PCDHGB3: variants seen among roughly 807,000 people sequenced by gnomAD.
PCDHGB3 encodes the protein protocadherin gamma-B3.
PCDHGB3 carries 40 observed loss-of-function variants against 59.2 expected under a neutral mutation model. The ratio of observed to expected loss-of-function variants is 0.68; its 90% CI spans 0.52 to 0.88. The LOEUF (loss-of-function observed/expected upper bound fraction) is 0.88, where lower values mean the gene tolerates loss of function less well. Among genes scored for constraint, PCDHGB3 ranks in the 40% least tolerant of loss-of-function variants. PCDHGB3 has a pLI of 0.00. For missense variants in PCDHGB3, 1,309 were observed against 1,187.9 expected (o/e 1.10, Z -1.50); for synonymous variants, 581 against 503.6 (o/e 1.15, Z -2.06).
chr5:141,490,837 G>A lies in PCDHGB3; in HGVS notation c.2416-3970G>A. On this transcript the variant is annotated intron_variant, in intron 1 of 3. Coordinates refer to ENST00000576222, the MANE Select transcript of PCDHGB3 (RefSeq NM_018924.5). This position sits in a 1 kb window ranked among gnomAD's most constrained non-coding sequence, Gnocchi z 5.4. ...TGAATTGCTGCAGATGCTGCAGATTGTGGTGGGGGTTCGAGACTCCGGCTC... is the reference window on the plus strand; with the variant it reads ...TGAATTGCTGCAGATGCTGCAGATTATGGTGGGGGTTCGAGACTCCGGCTC... The A allele has an allele frequency of 1.9e-6, 3 of 1,613,914 alleles. No homozygotes were observed. The highest frequency in any genetic ancestry group is 2.2e-5 in the South Asian group (2 of 91,072).
intron 1 of PCDHGB3, chr5:141,393,423 G>A: frequency 1.2e-6 from 2 of 1,614,040 alleles, no homozygotes; most frequent in South Asian, 2.2e-5. Flanking sequence ...GGACAGGGAG[G>A]AAGAGGCTGC....
rs746311453 is a variant in PCDHGB3 at position 141,428,229 on chromosome 5, C to T, written c.2415+55420C>T. On this transcript the variant is annotated intron_variant, in intron 1 of 3. Coordinates refer to ENST00000576222, the MANE Select transcript of PCDHGB3 (RefSeq NM_018924.5). ...CGCTTCACCTAGTCTTCGCAGACAGCCTGCAGGAGGCACTGCCAGACTTCA... is the reference window on the plus strand; with the variant it reads ...CGCTTCACCTAGTCTTCGCAGACAGTCTGCAGGAGGCACTGCCAGACTTCA... 3 of 1,098,554 alleles carry T rather than the reference C, an allele frequency of 2.7e-6. No homozygotes were observed. In the South Asian group the frequency reaches 3.9e-5, roughly 14 times the overall value. The allele number at this position is 1,098,554 out of a possible 1,614,324, so 68.1% of individuals were successfully genotyped here.
At position 141,413,561 on chromosome 5, in the gene PCDHGB3, AT is replaced by A. The variant is rs1363955348; in HGVS notation, c.2415+40753del. The stretch of plus-strand genomic sequence containing the variant: ...TTTGGGATAGAAATAGAAGTAACTG[AT>A]ATCAATGACAATGCTCCAAAATTCC... On this transcript the variant is annotated intron_variant, in intron 1 of 3. Coordinates refer to ENST00000576222, the MANE Select transcript of PCDHGB3 (RefSeq NM_018924.5). The A allele has an allele frequency of 6.2e-6, 10 of 1,613,806 alleles. No individual in the cohort carries two copies. In the Admixed American group the frequency reaches 1.3e-4, roughly 22 times the overall value.
chr5:141,474,566 G>A (rs2154572064), intron 1 of PCDHGB3, among the ~76,000 whole-genome samples: 1 of 152,336 alleles, frequency 6.6e-6, no homozygotes, highest in Non-Finnish European at 1.5e-5. Flanking sequence ...GGTTTTCAGA[G>A]ATTAATTGAA....
At chr5:141,422,198 A>G (rs2096632774) in intron 1 of PCDHGB3, 1 of 1,562,340 alleles carries the variant, frequency 6.4e-7, no homozygotes, top group Non-Finnish European at 8.6e-7. Flanking sequence ...CAAGGCCAAG[A>G]TGGTGGAGGT....
At chr5:141,421,748 G>A (rs763166274) in intron 1 of PCDHGB3, 4 of 1,613,944 alleles carry the variant, frequency 2.5e-6, no homozygotes, top group South Asian at 2.2e-5. Context: ...TACCAGCTCA[G>A]CCCTAATAAT....
chr5:141,393,087 C>T (rs1244090890), intron 1 of PCDHGB3: 1 of 1,613,628 alleles, frequency 6.2e-7, no homozygotes, highest in African/African-American at 1.3e-5. Flanking sequence ...CAGGATAGAT[C>T]GGGAGGAGCT....
intron 1 of PCDHGB3, chr5:141,395,102 G>C: frequency 6.2e-7 from 1 of 1,614,172 alleles, no homozygotes; most frequent in Non-Finnish European, 8.5e-7. Flanking sequence ...CCGCCGACTC[G>C]CGGAAGAGTC....
chr5:141,477,002 G>A lies in PCDHGB3; in HGVS notation c.2416-17805G>A, dbSNP rs770390597. On this transcript the variant is annotated intron_variant, in intron 1 of 3. Coordinates refer to ENST00000576222, the MANE Select transcript of PCDHGB3 (RefSeq NM_018924.5). The surrounding 1 kb of genome is among the most constrained non-coding windows in gnomAD (Gnocchi z 4.9). ...CCGCGCCGGCGTGCGGCAACTATTC[G>A]CCTTAGACCTTGTAACCGGGATGCT... 6.2e-7 allele frequency: 1 copy of A among 1,614,102 alleles called. No homozygotes were observed. The highest frequency in any genetic ancestry group is 1.3e-5 in the African/African-American group (1 of 74,952).
At chr5:141,400,456 T>C (rs1439726103) in intron 1 of PCDHGB3, 2 of 1,614,090 alleles carry the variant, frequency 1.2e-6, no homozygotes, top group Non-Finnish European at 1.7e-6. Flanking sequence ...AGACATACTT[T>C]GTGGTGATTC....
chr5:141,430,837 C>T (rs1350348914), intron 1 of PCDHGB3: 4 of 1,559,956 alleles, frequency 2.6e-6, no homozygotes, highest in South Asian at 2.5e-5. Context: ...TGTGGGAGAC[C>T]GGATGCACCC....
At chr5:141,409,096 A>T (rs968537361) in intron 1 of PCDHGB3, 8 of 1,613,956 alleles carry the variant, frequency 5.0e-6, no homozygotes, top group African/African-American at 1.3e-5. Flanking sequence ...ATGAGAAAAC[A>T]GGTATGATTA....
At chr5:141,415,473 C>T in intron 1 of PCDHGB3, 2 of 1,614,224 alleles carry the variant, frequency 1.2e-6, no homozygotes, top group Non-Finnish European at 1.7e-6. Flanking sequence ...TCACCGCGGA[C>T]TCGCGAAAGA....
Position 141,430,964 on chromosome 5 carries a change from A to G in PCDHGB3, c.2415+58155A>G, listed in dbSNP as rs547574367. The G allele has an allele frequency of 7.3e-5, 117 of 1,612,860 alleles. No homozygotes were observed. The South Asian group carries it at 1.2e-3, about 17-fold the overall frequency. On this transcript the variant is annotated intron_variant, in intron 1 of 3. Coordinates refer to ENST00000576222, the MANE Select transcript of PCDHGB3 (RefSeq NM_018924.5). The stretch of plus-strand genomic sequence containing the variant: ...GGAGCGCGGAGTCCGCATCATCCCC[A>G]GAGGTAGGACGCAGCTTTTCGCCCT...
chr5:141,511,537 A>G lies in PCDHGB3; in HGVS notation c.*364A>G. 2 of 319,256 alleles carry G rather than the reference A, an allele frequency of 6.3e-6. No individual in the cohort carries two copies. Among genetic ancestry groups the G allele is most frequent in the South Asian group, 3.3e-5 (1 of 29,854 alleles). 19.8% of individuals were successfully genotyped at this position (319,256 alleles called of 1,614,324 possible). A position where few individuals can be genotyped will look rare whatever the true frequency, so the allele number is the denominator to read the frequency against. On this transcript the variant is annotated 3_prime_UTR_variant, in exon 4 of 4. Coordinates refer to ENST00000576222, the MANE Select transcript of PCDHGB3 (RefSeq NM_018924.5). ...TCCATCCCATGCCTCCCTCCTCCCC[A>G]CCCCACTCCAACAGTTCCTCTTTCC... is the stretch of plus-strand genomic sequence containing the variant.
At chr5:141,434,364 A>G (rs1023051594) in intron 1 of PCDHGB3, among the ~76,000 whole-genome samples, 1 of 152,208 alleles carries the variant, frequency 6.6e-6, no homozygotes, top group Non-Finnish European at 1.5e-5. Context: ...AAATCTGGCC[A>G]TAAACTGGCC....
At chr5:141,430,883 G>T in intron 1 of PCDHGB3, 1 of 1,601,036 alleles carries the variant, frequency 6.2e-7, no homozygotes, top group Non-Finnish European at 8.5e-7. Context: ...GCTGGAGAAA[G>T]GCTCTAGGGT....
intron 1 of PCDHGB3, among the ~76,000 whole-genome samples, chr5:141,455,594 G>A (rs1263100982): frequency 6.6e-6 from 1 of 152,112 alleles, no homozygotes; most frequent in Non-Finnish European, 1.5e-5. Context: ...ATATGCAAAC[G>A]TAGGGCGCCA....
At chr5:141,389,539 AC>A (rs750868475) in intron 1 of PCDHGB3, 1 of 1,613,100 alleles carries the variant, frequency 6.2e-7, no homozygotes, top group African/African-American at 1.3e-5. Context: ...TTAGTGGACG[AC>A]CGCAACGACA....
Sources: allele counts gnomAD v4.1 joint callset (sites outside exome capture counted in the v4.1 genomes callset), GRCh38; gene constraint gnomAD v4.1.1; non-coding constraint Gnocchi (gnomAD v3.1); transcripts MANE v1.5; gene names NCBI Gene and HGNC (gene_info 2026-07-23, HGNC 2026-07-21).